LRRC3B: variants seen among roughly 807,000 people sequenced by gnomAD.
The protein encoded by LRRC3B is leucine-rich repeat-containing protein 3B.
LRRC3B carries 2 observed loss-of-function variants against 12.8 expected under a neutral mutation model. The ratio of observed to expected loss-of-function variants is 0.16; its 90% CI spans 0.06 to 0.49. The LOEUF is 0.49. LRRC3B is among the 20% of genes least tolerant of loss of function. The pLI, the probability that LRRC3B is intolerant of heterozygous loss-of-function variation, is 0.96. For synonymous variants in LRRC3B, 132 were observed against 122.0 expected (o/e 1.08, Z -0.54); for missense variants, 189 against 319.4 (o/e 0.59, Z 3.11).
At chr3:26,628,724 G>A (rs1698685675) in intron 1 of LRRC3B, among the ~76,000 whole-genome samples, 2 of 151,536 alleles carry the variant, frequency 1.3e-5, no homozygotes, top group African/African-American at 4.8e-5. Flanking sequence ...TTTCATATGA[G>A]AATGAAATCT....
rs189110019 is a variant in LRRC3B, at chr3:26,698,075, G to T, written c.-160-11438G>T. On this transcript the variant is annotated intron_variant, in intron 1 of 1. Coordinates refer to ENST00000396641, the Ensembl canonical transcript of LRRC3B. ...GAAGACAAGGTGTAAGATGGTGAAG[G>T]CTCCACATTGTCATAGCAGACATCA... Among the ~76,000 whole-genome samples the T allele has an allele frequency of 3.2e-4, 49 of 152,266 alleles. No individual in the cohort carries two copies. The East Asian group carries it at 7.9e-3, about 25-fold the overall frequency.
intron 1 of LRRC3B, among the ~76,000 whole-genome samples, chr3:26,662,556 TGATA>T (rs377020603): frequency 2.0e-4 from 31 of 152,102 alleles, no homozygotes; most frequent in East Asian, 3.9e-4. Context: ...TCTAAGTCAT[TGATA>T]GATAGATAGA....
intron 1 of LRRC3B, among the ~76,000 whole-genome samples, chr3:26,707,737 CCTT>C (rs1484733688): frequency 6.7e-6 from 1 of 150,272 alleles, no homozygotes; most frequent in Non-Finnish European, 1.5e-5. Context: ...GTTGCCTTGT[CCTT>C]CTACTCCTCT....
chr3:26,632,953 G>T (rs1698789489), intron 1 of LRRC3B, among the ~76,000 whole-genome samples: 1 of 152,092 alleles, frequency 6.6e-6, no homozygotes. Flanking sequence ...CATGAAATCA[G>T]CCATGGTAGG....
chr3:26,654,157 C>A (rs1286062992), intron 1 of LRRC3B, among the ~76,000 whole-genome samples: 16 of 152,118 alleles, frequency 1.1e-4, no homozygotes, highest in Admixed American at 1.0e-3. Flanking sequence ...TGGAACAAGA[C>A]CAGGATGGAC....
At chr3:26,685,515 CTCTCTCTCTATA>C (rs1403276954) in intron 1 of LRRC3B, among the ~76,000 whole-genome samples, 20 of 53,772 alleles carry the variant, frequency 3.7e-4, no homozygotes, top group African/African-American at 8.9e-4. Context: ...CTCTCTCTCT[CTCTCTCTCTATA>C]TATATATATA....
intron 1 of LRRC3B, among the ~76,000 whole-genome samples, chr3:26,692,172 T>C (rs1700205901): frequency 6.6e-6 from 1 of 152,244 alleles, no homozygotes; most frequent in South Asian, 2.1e-4. Context: ...CTAAATAATA[T>C]CACTTAGTCC....
intron 1 of LRRC3B, among the ~76,000 whole-genome samples, chr3:26,696,722 C>G (rs1700327554): frequency 6.6e-6 from 1 of 152,156 alleles, no homozygotes; most frequent in African/African-American, 2.4e-5. Flanking sequence ...CTGGTTTTAT[C>G]CTGACCTCTA....
chr3:26,660,610 G>A (rs543311626), intron 1 of LRRC3B, among the ~76,000 whole-genome samples: 4 of 152,268 alleles, frequency 2.6e-5, no homozygotes, highest in Admixed American at 1.3e-4. Context: ...TAGTCAGTAC[G>A]TGCCTGTGTC....
intron 1 of LRRC3B, among the ~76,000 whole-genome samples, chr3:26,696,013 G>A (rs532878981): frequency 6.6e-5 from 10 of 152,144 alleles, no homozygotes; most frequent in African/African-American, 1.4e-4. Flanking sequence ...CAGCTGGCTC[G>A]TTCAATGATG....
At chr3:26,679,409 T>C (rs998999527) in intron 1 of LRRC3B, among the ~76,000 whole-genome samples, 1 of 152,240 alleles carries the variant, frequency 6.6e-6, no homozygotes, top group Non-Finnish European at 1.5e-5. Context: ...CTCTGCCTGC[T>C]TAGCTGCAGT....
intron 1 of LRRC3B, among the ~76,000 whole-genome samples, chr3:26,654,034 A>G (rs1398908328): frequency 6.6e-6 from 1 of 152,174 alleles, no homozygotes; most frequent in Non-Finnish European, 1.5e-5. Context: ...AAACAGTCCA[A>G]AGCCTAGCTG....
chr3:26,668,563 TA>T (rs1271905022), intron 1 of LRRC3B, among the ~76,000 whole-genome samples: 1 of 152,200 alleles, frequency 6.6e-6, no homozygotes, highest in Non-Finnish European at 1.5e-5. Context: ...AATCGACTAT[TA>T]GGGGCATTTT....
At chr3:26,691,212 A>G in intron 1 of LRRC3B, among the ~76,000 whole-genome samples, 1 of 150,046 alleles carries the variant, frequency 6.7e-6, no homozygotes, top group East Asian at 2.0e-4. Context: ...TGAAATTTGA[A>G]AATTTACATT....
intron 1 of LRRC3B, among the ~76,000 whole-genome samples, chr3:26,671,406 A>AGT: frequency 1.5e-5 from 2 of 130,710 alleles, no homozygotes; most frequent in Non-Finnish European, 3.2e-5. Context: ...AGAGAGAGAG[A>AGT]GAGAGAGACG....
intron 1 of LRRC3B, among the ~76,000 whole-genome samples, chr3:26,658,147 G>C (rs1283595133): frequency 6.6e-6 from 1 of 152,094 alleles, no homozygotes; most frequent in Non-Finnish European, 1.5e-5. Context: ...GCACCATCTT[G>C]GCTACTGCAA....
intron 1 of LRRC3B, among the ~76,000 whole-genome samples, chr3:26,653,528 G>C (rs192951284): frequency 8.3e-4 from 126 of 152,142 alleles, no homozygotes; most frequent in Admixed American, 1.8e-3. Flanking sequence ...GAAGCTGAGA[G>C]AGATGAAGTA....
chr3:26,630,085 T>A (rs1440603129), intron 1 of LRRC3B, among the ~76,000 whole-genome samples: 1 of 143,116 alleles, frequency 7.0e-6, no homozygotes, highest in African/African-American at 2.6e-5. Context: ...GAAAAAAAAA[T>A]CCCATAAGAA....
intron 1 of LRRC3B, among the ~76,000 whole-genome samples, chr3:26,656,818 T>A (rs2125419389): frequency 6.6e-6 from 1 of 152,258 alleles, no homozygotes; most frequent in Middle Eastern, 3.4e-3. Flanking sequence ...ATAGGGTAAT[T>A]TAAAATCAAA....
Sources: allele counts gnomAD v4.1 joint callset (sites outside exome capture counted in the v4.1 genomes callset), GRCh38; gene constraint gnomAD v4.1.1; transcripts MANE v1.5; gene names NCBI Gene and HGNC (gene_info 2026-07-23, HGNC 2026-07-21).